The following PCDH15 variants were observed in gnomAD, a reference collection of about 807,000 sequenced individuals.
The protein encoded by PCDH15 is protocadherin-15.
Under a neutral mutation model 178.5 loss-of-function variants are expected in PCDH15, and 129 were observed. That is an observed-to-expected ratio of 0.72 (90% CI 0.63 to 0.84). The LOEUF (loss-of-function observed/expected upper bound fraction) is 0.84, where lower values mean the gene tolerates loss of function less well. Ranked by LOEUF, PCDH15 falls within the 40% of genes least tolerant of loss-of-function variation. The probability of loss-of-function intolerance (pLI) is 0.00; values close to 1 mark genes in which losing one functional copy is unlikely to be tolerated. For missense variants in PCDH15, 2,230 were observed against 2,099.9 expected, an observed-to-expected ratio of 1.06 and a Z score of -1.21; for synonymous variants, 800 against 732.0, an observed-to-expected ratio of 1.09 and a Z score of -1.50.
intron 3 of PCDH15, among the ~76,000 whole-genome samples, chr10:54,491,089 C>G (rs948820201): frequency 2.6e-5 from 4 of 152,058 alleles, no homozygotes; most frequent in Admixed American, 2.6e-4. Context: ...AGCATTCAGT[C>G]TTCTCTGAAG....
intron 15 of PCDH15, 150 bp from the exon 16 acceptor site, chr10:54,090,213 A>G: frequency 1.5e-6 from 1 of 662,362 alleles, no homozygotes; most frequent in Non-Finnish European, 2.7e-6. Flanking sequence ...GGCAAGGTGT[A>G]AAATCAAACA....
At chr10:54,022,494 G>A (rs2092954758) in intron 19 of PCDH15, among the ~76,000 whole-genome samples, 1 of 151,922 alleles carries the variant, frequency 6.6e-6, no homozygotes, top group Non-Finnish European at 1.5e-5. Context: ...TGACATTTGT[G>A]TGAACACAAA....
At chr10:55,432,854 G>A (rs1178000809) in intron 2 of PCDH15, among the ~76,000 whole-genome samples, 1 of 151,624 alleles carries the variant, frequency 6.6e-6, no homozygotes, top group Non-Finnish European at 1.5e-5. Flanking sequence ...TCGATCTCCT[G>A]ACCTCGTGAT....
At chr10:54,009,997 C>T (rs1276790764) in intron 20 of PCDH15, among the ~76,000 whole-genome samples, 2 of 152,186 alleles carry the variant, frequency 1.3e-5, no homozygotes, top group African/African-American at 4.8e-5. Context: ...ATCCACGAGG[C>T]TGAGCAGTGA....
At chr10:53,930,475 A>G (rs1293128180) in intron 25 of PCDH15, among the ~76,000 whole-genome samples, 4 of 150,930 alleles carry the variant, frequency 2.7e-5, no homozygotes, top group Admixed American at 6.6e-5. Flanking sequence ...AAAAAAAAAA[A>G]AAAAAAAAAA....
chr10:55,224,159 C>G (rs145059712), intron 1 of PCDH15, among the ~76,000 whole-genome samples: 1 of 152,162 alleles, frequency 6.6e-6, no homozygotes, highest in African/African-American at 2.4e-5. Flanking sequence ...CAGATTGCAC[C>G]ACTGCACTCC....
At chr10:54,209,959 C>T (rs1331218485) in intron 10 of PCDH15, among the ~76,000 whole-genome samples, 1 of 152,104 alleles carries the variant, frequency 6.6e-6, no homozygotes, top group Non-Finnish European at 1.5e-5. Flanking sequence ...TTCTCAAATG[C>T]TGTTTTCCTG....
intron 2 of PCDH15, among the ~76,000 whole-genome samples, chr10:55,388,145 G>C (rs1286975174): frequency 6.6e-6 from 1 of 151,886 alleles, no homozygotes; most frequent in Non-Finnish European, 1.5e-5. Flanking sequence ...CTGTAGCTTG[G>C]GCAGGAACGT....
At chr10:54,724,518 C>T (rs1258356869) in intron 1 of PCDH15, among the ~76,000 whole-genome samples, 4 of 150,640 alleles carry the variant, frequency 2.7e-5, no homozygotes, top group Admixed American at 6.7e-5. Flanking sequence ...TATATACCCC[C>T]GAATCTAAAA....
intron 3 of PCDH15, among the ~76,000 whole-genome samples, chr10:54,462,741 C>A (rs373653884): frequency 7.3e-6 from 1 of 137,328 alleles, no homozygotes; most frequent in African/African-American, 2.8e-5. Flanking sequence ...CTATGTGGCC[C>A]GGCTGGTCTC....
chr10:54,708,263 A>G (rs1246856485), intron 1 of PCDH15, among the ~76,000 whole-genome samples: 2 of 152,186 alleles, frequency 1.3e-5, no homozygotes, highest in Non-Finnish European at 2.9e-5. Flanking sequence ...TTGTGGATAA[A>G]TCACTATGGC....
intron 2 of PCDH15, among the ~76,000 whole-genome samples, chr10:54,656,524 G>A (rs1248417086): frequency 6.6e-6 from 1 of 152,184 alleles, no homozygotes; most frequent in African/African-American, 2.4e-5. Context: ...TCTCAGGCCT[G>A]AACTGAGATG....
chr10:54,262,814 C>T (rs888261627), intron 8 of PCDH15, among the ~76,000 whole-genome samples: 2 of 152,172 alleles, frequency 1.3e-5, no homozygotes, highest in Non-Finnish European at 2.9e-5. Flanking sequence ...TATCCTGGCA[C>T]AGAATGCCTG....
chr10:54,884,480 GGTGTGTGTGTGT>G (rs11473798), intron 3 of PCDH15, among the ~76,000 whole-genome samples: 1 of 148,622 alleles, frequency 6.7e-6, no homozygotes, highest in Admixed American at 6.8e-5. Context: ...TACTAAGATA[GGTGTGTGTGTGT>G]GTGTGTGTGT....
At chr10:53,832,925 ATGC>A (rs150496786) in intron 29 of PCDH15, among the ~76,000 whole-genome samples, 2,438 of 152,114 alleles carry the variant, frequency 0.016, 28 homozygotes, top group South Asian at 0.035. Context: ...GGCAATTAGA[ATGC>A]TTTTTTGCTT....
intron 1 of PCDH15, among the ~76,000 whole-genome samples, chr10:55,246,589 A>C (rs1841684899): frequency 6.6e-6 from 1 of 152,198 alleles, no homozygotes; most frequent in African/African-American, 2.4e-5. Flanking sequence ...TTTTGTTTCT[A>C]ATCTAACTGT....
intron 2 of PCDH15, among the ~76,000 whole-genome samples, chr10:55,511,801 T>C (rs530799628): frequency 1.3e-5 from 2 of 152,036 alleles, no homozygotes; most frequent in South Asian, 4.1e-4. Context: ...GAAATGATAT[T>C]ATTATTATCT....
chr10:54,030,379 T>C (rs868478172), intron 18 of PCDH15, among the ~76,000 whole-genome samples: 1,644 of 151,888 alleles, frequency 0.011, 18 homozygotes, highest in South Asian at 0.026. Flanking sequence ...GTCTTTTTTT[T>C]TTTTTTTTTA....
At chr10:54,779,880 G>C (rs920143511) in intron 1 of PCDH15, among the ~76,000 whole-genome samples, 1 of 151,884 alleles carries the variant, frequency 6.6e-6, no homozygotes, top group Non-Finnish European at 1.5e-5. Flanking sequence ...ATTTGTGTGG[G>C]CTAATATTCT....
Sources: allele counts gnomAD v4.1 joint callset (sites outside exome capture counted in the v4.1 genomes callset), GRCh38; gene constraint gnomAD v4.1.1; transcripts MANE v1.5; gene names NCBI Gene and HGNC (gene_info 2026-07-23, HGNC 2026-07-21).